Variants in TBC1D30 observed in about 807,000 individuals in gnomAD.
TBC1D30 encodes TBC1 domain family, member 30.
In TBC1D30, 31 loss-of-function variants were observed where a neutral mutation model predicts 63.2. That is an observed-to-expected ratio of 0.49 (90% CI 0.37 to 0.66). TBC1D30 has a LOEUF of 0.66. Ranked by LOEUF, TBC1D30 falls within the 30% of genes least tolerant of loss-of-function variation. The probability of loss-of-function intolerance (pLI) is 0.00; values close to 1 mark genes in which losing one functional copy is unlikely to be tolerated. For synonymous variants in TBC1D30, 307 were observed against 361.5 expected (o/e 0.85, Z 1.71); for missense variants, 810 against 953.6 (o/e 0.85, Z 1.98).
intron 2 of TBC1D30, among the ~76,000 whole-genome samples, chr12:64,810,553 A>C (rs981072260): frequency 6.6e-6 from 1 of 152,164 alleles, no homozygotes; most frequent in Non-Finnish European, 1.5e-5. Context: ...CAGTGAGCCA[A>C]GATGGTGCCA....
intron 11 of TBC1D30, among the ~76,000 whole-genome samples, chr12:64,871,088 A>G (rs892293936): frequency 3.3e-5 from 5 of 152,214 alleles, no homozygotes; most frequent in Admixed American, 6.5e-5. Flanking sequence ...GGGTTTACAA[A>G]TGATTAAAAT....
chr12:64,762,224 C>T (rs1259315900), intron 1 of TBC1D30, among the ~76,000 whole-genome samples: 1 of 152,120 alleles, frequency 6.6e-6, no homozygotes, highest in African/African-American at 2.4e-5. Flanking sequence ...ATTGCAATAA[C>T]TAAAAGAAGC....
intron 2 of TBC1D30, among the ~76,000 whole-genome samples, chr12:64,805,972 T>C (rs912699254): frequency 2.6e-5 from 4 of 152,246 alleles, no homozygotes; most frequent in African/African-American, 9.6e-5. Context: ...GCCATCCCAG[T>C]CTGACCACTA....
rs1409350430 is a variant in TBC1D30, at chr12:64,863,572, C to A, written c.1039-1096C>A. On this transcript the variant is annotated intron_variant, in intron 8 of 11. Transcript: ENST00000539867. The stretch of plus-strand genomic sequence containing the variant: ...ATTGAAGAGAAGGAATTTTAGCCAA[C>A]ACCTACTTGTTTGGAATCTTGGGCT... Among the ~76,000 whole-genome samples, 4 of 152,208 alleles carry A rather than the reference C, an allele frequency of 2.6e-5. No individual in the cohort carries two copies. The East Asian group carries it at 7.7e-4, about 29-fold the overall frequency.
At chr12:64,812,753 ATTT>A (rs113925138) in intron 2 of TBC1D30, among the ~76,000 whole-genome samples, 2 of 146,188 alleles carry the variant, frequency 1.4e-5, no homozygotes, top group African/African-American at 2.5e-5. Context: ...TGAAAGATTG[ATTT>A]TTTTTTTTTT....
At chr12:64,820,058 G>GTC (rs568723138), upstream of TBC1D30, among the ~76,000 whole-genome samples, 947 of 152,208 alleles carry the variant, frequency 6.2e-3, 7 homozygotes, top group Middle Eastern at 0.014. Context: ...GCTCCCTGTG[G>GTC]TCTCTCTCTC....
At chr12:64,767,313 A>G (rs1870748047) in intron 1 of TBC1D30, among the ~76,000 whole-genome samples, 1 of 152,108 alleles carries the variant, frequency 6.6e-6, no homozygotes, top group African/African-American at 2.4e-5. Context: ...GAGATATCCC[A>G]TATCTCCATT....
Position 64,878,523 on chromosome 12 carries a change from G to C in TBC1D30, c.*2735G>C, listed in dbSNP as rs1386984808. 2.2e-6 allele frequency: 1 copy of C among 456,614 alleles called. No individual in the cohort carries two copies. The highest frequency in any genetic ancestry group is 4.4e-6 in the Non-Finnish European group (1 of 226,970). 28.3% of individuals were successfully genotyped at this position (456,614 alleles called of 1,614,324 possible). ...GATCTAAATCTAGTTAGCAATGTCA[G>C]CCTGTGGACTGCAGCTGTTTGGGAC... On this transcript the variant is annotated 3_prime_UTR_variant, in exon 12 of 12. Transcript: ENST00000539867.
At chr12:64,788,747 G>T (rs949725853) in intron 2 of TBC1D30, among the ~76,000 whole-genome samples, 1 of 152,084 alleles carries the variant, frequency 6.6e-6, no homozygotes. Flanking sequence ...GGGTTGTCTG[G>T]CACCTTTCCT....
intron 1 of TBC1D30, among the ~76,000 whole-genome samples, chr12:64,767,632 CTA>C (rs1870759498): frequency 6.6e-6 from 1 of 151,966 alleles, no homozygotes; most frequent in South Asian, 2.1e-4. Context: ...AACTATGTGA[CTA>C]TGTGTTATAA....
At chr12:64,823,391 A>C (rs920442428), upstream of TBC1D30, among the ~76,000 whole-genome samples, 7 of 152,200 alleles carry the variant, frequency 4.6e-5, no homozygotes, top group African/African-American at 1.7e-4. Flanking sequence ...TTATGCTATA[A>C]GTGGGATAGT....
chr12:64,776,333 G>A (rs1286829296), upstream of TBC1D30, among the ~76,000 whole-genome samples: 1 of 151,428 alleles, frequency 6.6e-6, no homozygotes, highest in Non-Finnish European at 1.5e-5. Flanking sequence ...AGTTTTTTTT[G>A]AAAAAATTAA....
intron 2 of TBC1D30, among the ~76,000 whole-genome samples, chr12:64,801,082 T>C (rs911011474): frequency 1.3e-5 from 2 of 152,224 alleles, no homozygotes; most frequent in Admixed American, 1.3e-4. Context: ...AACCTCACCA[T>C]TCCCTATACT....
chr12:64,788,808 T>G (rs1871747501), intron 2 of TBC1D30, among the ~76,000 whole-genome samples: 1 of 152,186 alleles, frequency 6.6e-6, no homozygotes, highest in Non-Finnish European at 1.5e-5. Flanking sequence ...TGGAACAGAA[T>G]GTTTTTTGGT....
exon 1 of TBC1D30, chr12:64,781,155 A>G (rs1404937250): frequency 2.9e-6 from 3 of 1,019,640 alleles, no homozygotes; most frequent in African/African-American, 1.7e-5. Flanking sequence ...GACAGCCTCG[A>G]CAGCTCCACC....
chr12:64,848,313 C>T (rs1471899970), intron 8 of TBC1D30, among the ~76,000 whole-genome samples: 6 of 151,348 alleles, frequency 4.0e-5, no homozygotes, highest in African/African-American at 4.9e-5. Context: ...CTGGGATACA[C>T]GTGCAGAATG....
chr12:64,841,076 A>G (rs2136396929), intron 7 of TBC1D30, among the ~76,000 whole-genome samples: 1 of 152,348 alleles, frequency 6.6e-6, no homozygotes, highest in Admixed American at 6.5e-5. Context: ...TCACACAGCC[A>G]GTGAATAGCA....
intron 2 of TBC1D30, among the ~76,000 whole-genome samples, chr12:64,816,118 C>T (rs1197142635): frequency 4.6e-5 from 7 of 151,746 alleles, no homozygotes; most frequent in Admixed American, 1.3e-4. Flanking sequence ...CTGCAACCTC[C>T]GTCTCCTGGG....
chr12:64,836,803 A>G, intron 6 of TBC1D30, 145 bp downstream of exon 6: 1 of 874,982 alleles, frequency 1.1e-6, no homozygotes, highest in African/African-American at 1.7e-5. Flanking sequence ...TTAGAGAATG[A>G]AAACAAAACT....
Sources: gnomAD v4.1 joint callset for allele counts (sites outside exome capture counted in the v4.1 genomes callset) on GRCh38, gnomAD v4.1.1 for gene constraint, MANE v1.5 for transcripts, NCBI Gene and HGNC (gene_info 2026-07-23, HGNC 2026-07-21) for gene names.